Variants in TNK2 observed in about 807,000 individuals in gnomAD.
The protein encoded by TNK2 is activated CDC42 kinase 1.
Under a neutral mutation model 101.8 loss-of-function variants are expected in TNK2, and 83 were observed. The ratio of observed to expected loss-of-function variants is 0.82; its 90% CI spans 0.68 to 0.98. The LOEUF (loss-of-function observed/expected upper bound fraction) is 0.98. TNK2 is among the 50% of genes least tolerant of loss of function. The probability of loss-of-function intolerance (pLI) is 0.00; values close to 1 mark genes in which losing one functional copy is unlikely to be tolerated. For missense variants in TNK2, 1,665 were observed against 1,483.2 expected (o/e 1.12, Z -2.01); for synonymous variants, 804 against 633.0 (o/e 1.27, Z -4.06).
chr3:195,865,330 G>C (rs1190409986), intron 15 of TNK2, among the ~76,000 whole-genome samples: 2 of 133,118 alleles, frequency 1.5e-5, no homozygotes, highest in African/African-American at 2.9e-5. Context: ...ACAGGTGACA[G>C]CGAGTGCCTG....
Position 195,885,480 on chromosome 3 carries a change from C to T in TNK2, c.235-447G>A. The T allele has an allele frequency of 7.7e-7, 1 of 1,301,264 alleles. No homozygotes were observed. The highest frequency in any genetic ancestry group is 1.2e-5 in the South Asian group (1 of 81,124). The allele number at this position is 1,301,264 out of a possible 1,614,324, so 80.6% of individuals were successfully genotyped here. A position where few individuals can be genotyped will look rare whatever the true frequency, so the allele number is the denominator to read the frequency against. On this transcript the variant is annotated intron_variant, in intron 3 of 15. Transcript: ENST00000672887. The surrounding 1 kb of genome is among the most constrained non-coding windows in gnomAD (Gnocchi z 4.7). ...TGTCCATTTTTAGCCCTGGCCCCTT[C>T]TCTGGCCTGACCATTTGGTGCTGTC...
chr3:195,895,742 C>G (rs1379011267), intron 1 of TNK2, among the ~76,000 whole-genome samples: 1 of 152,152 alleles, frequency 6.6e-6, no homozygotes, highest in Non-Finnish European at 1.5e-5. Flanking sequence ...CCCCCGTATT[C>G]ACGGTAAGGG....
At chr3:195,895,838 A>T in intron 1 of TNK2, 1 of 157,458 alleles carries the variant, frequency 6.4e-6, no homozygotes, top group South Asian at 2.1e-4. Context: ...GCTGCAGCCC[A>T]CCCCGCCCCC....
In TNK2 at chr3:195,906,437, G is replaced by A. The variant is rs375541919; in HGVS notation, c.-19+2048C>T. The stretch of plus-strand genomic sequence containing the variant: ...AATGGATAAACAGACTTTGGCACAC[G>A]TGTACAATGACTGTTGATACGCGCA... On this transcript the variant is annotated intron_variant, in intron 1 of 15. Transcript: ENST00000672887. Among the ~76,000 whole-genome samples the A allele has an allele frequency of 7.9e-5, 12 of 152,258 alleles. No individual in the cohort carries two copies. The East Asian group carries it at 2.3e-3, about 29-fold the overall frequency.
chr3:195,903,167 A>G (rs1226288325), intron 1 of TNK2, among the ~76,000 whole-genome samples: 1 of 151,856 alleles, frequency 6.6e-6, no homozygotes, highest in African/African-American at 2.4e-5. Flanking sequence ...CAGCCTCCCA[A>G]GTAGCTGGGA....
intron 1 of TNK2, among the ~76,000 whole-genome samples, chr3:195,893,191 C>G (rs1300329572): frequency 3.3e-5 from 5 of 152,040 alleles, no homozygotes; most frequent in Admixed American, 2.0e-4. Context: ...GACCCTCCCC[C>G]ACCCCCGAGT....
chr3:195,890,497 C>G (rs1757975035), intron 1 of TNK2, among the ~76,000 whole-genome samples: 1 of 136,444 alleles, frequency 7.3e-6, no homozygotes, highest in African/African-American at 2.8e-5. Context: ...GACTCCCAGG[C>G]TGGAGTACAA....
intron 15 of TNK2, among the ~76,000 whole-genome samples, chr3:195,865,046 C>A (rs1739707012): frequency 7.2e-6 from 1 of 139,006 alleles, no homozygotes. Context: ...AAGAACCACC[C>A]GAGACAGTGA....
At chr3:195,869,281 G>C in intron 12 of TNK2, 1 of 613,706 alleles carries the variant, frequency 1.6e-6, no homozygotes, top group Non-Finnish European at 2.9e-6. Flanking sequence ...GGCCGAGGCG[G>C]AAGCCAGGGC....
chr3:195,880,766 A>T (rs1449100514), intron 6 of TNK2, among the ~76,000 whole-genome samples: 3 of 8,406 alleles, frequency 3.6e-4, no homozygotes, highest in Admixed American at 9.8e-4. Flanking sequence ...TATCCCTGTA[A>T]CACCCCCCCC....
In TNK2 at chr3:195,868,055, C is replaced by T. The variant is rs766944061; in HGVS notation, c.2243G>A (p.Gly748Asp). Residue 748 changes from glycine to aspartate, a missense_variant, in exon 13 of 16, where the codon GGT (glycine) becomes GAT (aspartate). This residue lies in a region of TNK2 where 1,136 missense variants were observed against 894.9 expected (regional missense o/e 1.27). Coordinates refer to ENST00000672887, the MANE Select transcript of TNK2 (RefSeq NM_001382273.1). Reference protein sequence around the residue: ...GSPAPSPSPGGDDKPQVPPRV... With the variant: ...GSPAPSPSPGDDDKPQVPPRV... ...AGGAGGCACCTGGGGCTTGTCGTCA[C>T]CCCCCGGGCTGGGAGAGGGGGCCGG... The T allele has an allele frequency of 5.6e-6, 9 of 1,598,966 alleles. No homozygotes were observed. The highest frequency in any genetic ancestry group is 7.7e-6 in the Non-Finnish European group (9 of 1,175,458).
At position 195,882,694 on chromosome 3, in the gene TNK2, C is replaced by T. The variant is rs1050603242; in HGVS notation, c.610-366G>A. On this transcript the variant is annotated intron_variant, in intron 5 of 15. Coordinates refer to ENST00000672887, the MANE Select transcript of TNK2 (RefSeq NM_001382273.1). The surrounding 1 kb of genome is among the most constrained non-coding windows in gnomAD (Gnocchi z 4.2). ...CCAACATGGTGAAACCCCGTCTCTACTAAAAATACAAAAATTAGCCAGGCA... is the reference window on the plus strand; with the variant it reads ...CCAACATGGTGAAACCCCGTCTCTATTAAAAATACAAAAATTAGCCAGGCA... 1.1e-4 allele frequency among the ~76,000 whole-genome samples: 16 copies of T among 152,098 alleles called. No individual in the cohort carries two copies. Among genetic ancestry groups the T allele is most frequent in the Admixed American group, 6.5e-5 (1 of 15,274 alleles).
chr3:195,869,667 G>A, intron 11 of TNK2, 126 bp from the exon 12 acceptor site: 1 of 969,246 alleles, frequency 1.0e-6, no homozygotes, highest in Non-Finnish European at 1.6e-6. Context: ...GGGGGCGAGT[G>A]AATGTACAAG....
At chr3:195,889,726 AAAG>A (rs1244784898) in intron 1 of TNK2, among the ~76,000 whole-genome samples, 5 of 152,318 alleles carry the variant, frequency 3.3e-5, no homozygotes, top group African/African-American at 1.2e-4. Flanking sequence ...GGGCCCAGAT[AAAG>A]AAGCTGGTGG....
intron 15 of TNK2, among the ~76,000 whole-genome samples, chr3:195,866,680 T>C (rs753942368): frequency 3.3e-5 from 5 of 152,242 alleles, no homozygotes; most frequent in Non-Finnish European, 7.3e-5. Context: ...CTTGTACTCA[T>C]TTGAAAACCA....
chr3:195,885,415 G>GC lies in TNK2; in HGVS notation c.235-383dup. 7.5e-7 allele frequency: 1 copy of GC among 1,342,026 alleles called. No individual in the cohort carries two copies. Among genetic ancestry groups the GC allele is most frequent in the Non-Finnish European group, 9.8e-7 (1 of 1,024,116 alleles). The allele number at this position is 1,342,026 out of a possible 1,614,324, so 83.1% of individuals were successfully genotyped here. On this transcript the variant is annotated intron_variant, in intron 3 of 15. Transcript: ENST00000672887. This position sits in a 1 kb window ranked among gnomAD's most constrained non-coding sequence, Gnocchi z 4.7. The stretch of plus-strand genomic sequence containing the variant: ...ACCCCGCAGACTCCAGCCCTAACCC[G>GC]CATCGATGGAGCCGCAGGGGCCCTC...
At chr3:195,901,024 C>A (rs1761151490) in intron 1 of TNK2, among the ~76,000 whole-genome samples, 2 of 152,228 alleles carry the variant, frequency 1.3e-5, no homozygotes, top group South Asian at 4.1e-4. Context: ...CTACAAGATA[C>A]ACTGCTCATT....
At chr3:195,891,665 C>T (rs961930082) in intron 1 of TNK2, among the ~76,000 whole-genome samples, 5 of 152,086 alleles carry the variant, frequency 3.3e-5, no homozygotes, top group African/African-American at 9.7e-5. Context: ...GACCCCCCCC[C>T]TCCAGGGCTC....
intron 1 of TNK2, chr3:195,896,421 C>T: frequency 3.4e-6 from 1 of 291,384 alleles, no homozygotes; most frequent in Non-Finnish European, 6.8e-6. Context: ...CCTCACACAG[C>T]CCCTTCCACA....
Sources: allele counts gnomAD v4.1 joint callset (sites outside exome capture counted in the v4.1 genomes callset), GRCh38; gene constraint gnomAD v4.1.1; regional missense constraint gnomAD v4.1.1; non-coding constraint Gnocchi (gnomAD v3.1); transcripts MANE v1.5; gene names NCBI Gene and HGNC (gene_info 2026-07-23, HGNC 2026-07-21).